The following CHD1 variants were observed in gnomAD, a reference collection of about 807,000 sequenced individuals.
CHD1 encodes the protein chromodomain helicase DNA binding protein 1, also known as ATP-dependent chromatin remodeler CHD1.
CHD1 carries 36 observed loss-of-function variants against 224.2 expected under a neutral mutation model. That is an observed-to-expected ratio of 0.16 (90% CI 0.12 to 0.21). The LOEUF is 0.21. Ranked by LOEUF, CHD1 falls within the 10% of genes least tolerant of loss-of-function variation. The pLI, the probability that CHD1 is intolerant of heterozygous loss-of-function variation, is 1.00. For synonymous variants in CHD1, 668 were observed against 658.3 expected, an observed-to-expected ratio of 1.01 and a Z score of -0.23; for missense variants, 1,378 against 1,994.8, an observed-to-expected ratio of 0.69 and a Z score of 5.89.
At chr5:98,914,485 G>C (rs1398080341) in intron 2 of CHD1, among the ~76,000 whole-genome samples, 3 of 151,898 alleles carry the variant, frequency 2.0e-5, no homozygotes, top group Non-Finnish European at 2.9e-5. Context: ...TGAGTACTGA[G>C]CTAGAGTTTC....
chr5:98,888,996 C>A, intron 16 of CHD1, 80 bp downstream of exon 16: 1 of 920,426 alleles, frequency 1.1e-6, no homozygotes, highest in South Asian at 2.1e-5. Flanking sequence ...TAAGTTAAAG[C>A]ATTGAGCCAT....
chr5:98,919,212 G>A (rs1421103897), intron 2 of CHD1, among the ~76,000 whole-genome samples: 1 of 152,114 alleles, frequency 6.6e-6, no homozygotes, highest in Non-Finnish European at 1.5e-5. Flanking sequence ...GAATTGTTCT[G>A]TACATTACTG....
rs189715627 is a variant in CHD1 at position 98,880,052 on chromosome 5, C to G, written c.3061-324G>C. Among the ~76,000 whole-genome samples, 423 of 152,308 alleles carry G rather than the reference C, an allele frequency of 2.8e-3. 1 individual carries two copies. Among genetic ancestry groups the G allele is most frequent in the Non-Finnish European group, 4.9e-3 (331 of 68,020 alleles). ...ACATGCTAAATAATCTGCAGAAATT[C>G]TCAGACCAGTCCACCTATCAAGTAT... On this transcript the variant is annotated intron_variant, in intron 22 of 35. Coordinates refer to ENST00000614616, the MANE Select transcript of CHD1 (RefSeq NM_001270.4).
In CHD1 at chr5:98,928,702, C is replaced by T. The variant is rs117340150; in HGVS notation, c.-312G>A. On this transcript the variant is annotated 5_prime_UTR_variant, in exon 1 of 36. Transcript: ENST00000614616. ...GACAGACGCGGAGGGGAAGGGGAAG[C>T]CCCGGTCCGCAGCACCAACGCGCGA... 234 of 153,994 alleles carry T rather than the reference C, an allele frequency of 1.5e-3. 2 individuals are homozygous for T. The East Asian group carries it at 0.029, about 19-fold the overall frequency. The allele number at this position is 153,994 out of a possible 1,614,324, so 9.5% of individuals were successfully genotyped here.
intron 18 of CHD1, 61 bp from the exon 19 acceptor site, chr5:98,883,298 G>GT: frequency 8.7e-7 from 1 of 1,145,798 alleles, no homozygotes; most frequent in Non-Finnish European, 1.2e-6. Context: ...AACGTAAGCA[G>GT]TATGGTACTA....
chr5:98,883,517 C>CA (rs534532136), intron 18 of CHD1, among the ~76,000 whole-genome samples: 139 of 151,474 alleles, frequency 9.2e-4, no homozygotes, highest in African/African-American at 3.0e-3. Context: ...AGGCATATAC[C>CA]AAAAAAAGAA....
At chr5:98,928,235 C>G (rs1018471916) in intron 1 of CHD1, among the ~76,000 whole-genome samples, 1 of 151,942 alleles carries the variant, frequency 6.6e-6, no homozygotes, top group Non-Finnish European at 1.5e-5. Context: ...GCAGGACCCA[C>G]GCACCGGCTA....
intron 18 of CHD1, 85 bp from the exon 19 acceptor site, chr5:98,883,322 G>A: frequency 1.2e-6 from 1 of 845,446 alleles, no homozygotes; most frequent in Non-Finnish European, 1.8e-6. Flanking sequence ...AAACAGAAAG[G>A]CAGTTTTTAA....
intron 2 of CHD1, among the ~76,000 whole-genome samples, chr5:98,912,941 T>A (rs1752518425): frequency 6.6e-6 from 1 of 152,172 alleles, no homozygotes; most frequent in Non-Finnish European, 1.5e-5. Flanking sequence ...TTTAACCTGT[T>A]AACAGTGATT....
chr5:98,883,659 C>T (rs969875740), intron 18 of CHD1, among the ~76,000 whole-genome samples: 1 of 151,472 alleles, frequency 6.6e-6, no homozygotes, highest in African/African-American at 2.4e-5. Context: ...CTTGTACACA[C>T]GATTACAGCA....
intron 4 of CHD1, among the ~76,000 whole-genome samples, 158 bp downstream of exon 4, chr5:98,903,634 T>C (rs965089444): frequency 6.6e-6 from 1 of 152,246 alleles, no homozygotes; most frequent in African/African-American, 2.4e-5. Context: ...TACTGGATAA[T>C]GCAAAATCTG....
rs184031895 is a variant in CHD1, at chr5:98,887,603, G to T, written c.2496+485C>A. On this transcript the variant is annotated intron_variant, in intron 17 of 35. Transcript: ENST00000614616. ...TGAACTTCAATATAAATTTTGAATAGATGGAAGGGAATTTTGGTCTTTAGT... is the reference window on the plus strand; with the variant it reads ...TGAACTTCAATATAAATTTTGAATATATGGAAGGGAATTTTGGTCTTTAGT... Among the ~76,000 whole-genome samples the T allele has an allele frequency of 5.6e-3, 846 of 152,190 alleles. 8 individuals carry two copies. The highest frequency in any genetic ancestry group is 0.019 in the African/African-American group (785 of 41,538).
chr5:98,871,369 CAAAAAAAAAA>C (rs61406690), intron 28 of CHD1, among the ~76,000 whole-genome samples: 848 of 46,744 alleles, frequency 0.018, 4 homozygotes, highest in South Asian at 0.056. Flanking sequence ...CCATTTTAGG[CAAAAAAAAAA>C]AAAAAAAAAA....
At chr5:98,883,267 A>G in intron 18 of CHD1, 30 bp from the exon 19 acceptor site, 1 of 1,494,580 alleles carries the variant, frequency 6.7e-7, no homozygotes, top group Non-Finnish European at 9.0e-7. Context: ...CAAAATGAAA[A>G]ATTTTTCAAT....
chr5:98,899,453 G>T (rs1290449906), intron 8 of CHD1, 27 bp downstream of exon 8: 1 of 1,332,574 alleles, frequency 7.5e-7, no homozygotes, highest in Admixed American at 1.7e-5. Context: ...ACTATTAAAA[G>T]AAGTATATGA....
rs1321263524 is a variant in CHD1 at position 98,911,147 on chromosome 5, ATATATATATATATAT to A, written c.54-6064_54-6050del. 2.0e-3 allele frequency among the ~76,000 whole-genome samples: 95 copies of A among 47,760 alleles called. 4 individuals carry two copies. The highest frequency in any genetic ancestry group is 1.0e-2 in the African/African-American group (92 of 9,208). 31.3% of individuals were successfully genotyped at this position (47,760 alleles called of 152,430 possible). ...GCTAAAATGAAAAAAAAAAAAAAAA[ATATATATATATATAT>A]ATATATATATATATAGAGGCATGTC... On this transcript the variant is annotated intron_variant, in intron 2 of 35. Transcript: ENST00000614616.
Position 98,889,119 on chromosome 5 carries a change from G to A in CHD1, c.2300C>T (p.Pro767Leu). The A allele has an allele frequency of 6.3e-7, 1 of 1,599,964 alleles. No homozygotes were observed. Residue 767 changes from proline (P) to leucine (L), a missense_variant, in exon 16 of 36, where the codon CCA becomes CTA. Physicochemically the swap from Pro to Leu is moderately conservative, Grantham distance 98. This residue lies in a region of CHD1 where 58 missense variants were observed against 90.0 expected (regional missense o/e 0.64). Coordinates refer to ENST00000614616, the MANE Select transcript of CHD1 (RefSeq NM_001270.4). Reference protein sequence around the residue: ...KCCNHCYLIKPPDNNEFYNKQ... With the variant: ...KCCNHCYLIKLPDNNEFYNKQ... Reference sequence around the variant, plus strand: ...ATTATAGAATTCATTATTATCTGGTGGTTTAATGAGGTAGCAATGGTTACA... The same window carrying A: ...ATTATAGAATTCATTATTATCTGGTAGTTTAATGAGGTAGCAATGGTTACA...
chr5:98,881,256 T>A (rs893166653), intron 21 of CHD1, 23 bp downstream of exon 21: 1 of 671,234 alleles, frequency 1.5e-6, no homozygotes, highest in Non-Finnish European at 2.0e-6. Flanking sequence ...GCAGGCCTTT[T>A]TTTTTTTTTT....
Position 98,875,110 on chromosome 5 carries a change from A to G in CHD1, c.3402T>C (p.Phe1134=), listed in dbSNP as rs777210005. The part of the protein sequence containing the change: ...KGFSDAEIRR[F]IKSYKKFGGP... Reference sequence around the variant, plus strand: ...CACCAAATTTCTTATAGCTCTTGATAAACCTAAGAGAAAATAATTGTTTGG... The same window carrying G: ...CACCAAATTTCTTATAGCTCTTGATGAACCTAAGAGAAAATAATTGTTTGG... Residue 1134 remains phenylalanine (F), a synonymous_variant, in exon 25 of 36, where the codon TTT becomes TTC. Transcript: ENST00000614616. 34 of 1,502,380 alleles carry G rather than the reference A, an allele frequency of 2.3e-5. No individual in the cohort carries two copies. Among genetic ancestry groups the G allele is most frequent in the Admixed American group, 1.2e-4 (7 of 56,962 alleles). The allele number at this position is 1,502,380 out of a possible 1,614,324, so 93.1% of individuals were successfully genotyped here.
Sources: allele counts gnomAD v4.1 joint callset (sites outside exome capture counted in the v4.1 genomes callset), GRCh38; gene constraint gnomAD v4.1.1; regional missense constraint gnomAD v4.1.1; transcripts MANE v1.5; gene names NCBI Gene and HGNC (gene_info 2026-07-23, HGNC 2026-07-21).